MSANTD2: variants seen among roughly 807,000 people sequenced by gnomAD.
MSANTD2 encodes the protein myb/SANT-like DNA-binding domain-containing protein 2.
MSANTD2 carries 19 observed loss-of-function variants against 52.6 expected under a neutral mutation model. The ratio of observed to expected loss-of-function variants is 0.36; its 90% CI spans 0.25 to 0.53. The LOEUF is 0.53. MSANTD2 is among the 20% of genes least tolerant of loss of function. The pLI is 0.91. For synonymous variants in MSANTD2, 291 were observed against 289.7 expected, an observed-to-expected ratio of 1.00 and a Z score of -0.04; for missense variants, 558 against 716.3, an observed-to-expected ratio of 0.78 and a Z score of 2.52.
At position 124,769,260 on chromosome 11, in the gene MSANTD2, G is replaced by T. The variant is rs568955299; in HGVS notation, c.828-1232C>A. Reference sequence around the variant, plus strand: ...TTGACTTTCTTTGCAAGATGGCAGAGAATTAATATTTTGTTATCAGCTGCT... The same window carrying T: ...TTGACTTTCTTTGCAAGATGGCAGATAATTAATATTTTGTTATCAGCTGCT... On this transcript the variant is annotated intron_variant, in intron 3 of 3. Coordinates refer to ENST00000374979, the MANE Select transcript of MSANTD2 (RefSeq NM_001308027.2). 1.2e-4 allele frequency among the ~76,000 whole-genome samples: 19 copies of T among 152,328 alleles called. No individual in the cohort carries two copies. The South Asian group carries it at 3.9e-3, about 32-fold the overall frequency.
At chr11:124,770,473 A>AT in intron 3 of MSANTD2, among the ~76,000 whole-genome samples, 1 of 151,916 alleles carries the variant, frequency 6.6e-6, no homozygotes, top group Non-Finnish European at 1.5e-5. Flanking sequence ...AATTTTAAAA[A>AT]TTTTTGTGGA....
At chr11:124,768,824 C>T (rs191251193) in intron 3 of MSANTD2, among the ~76,000 whole-genome samples, 8 of 152,238 alleles carry the variant, frequency 5.3e-5, no homozygotes, top group African/African-American at 1.9e-4. Context: ...TCAATTTTGA[C>T]TCATATACTT....
intron 1 of MSANTD2, among the ~76,000 whole-genome samples, chr11:124,776,399 G>A (rs1265314539): frequency 6.6e-6 from 1 of 152,268 alleles, no homozygotes; most frequent in East Asian, 1.9e-4. Context: ...CTGGGTTCAA[G>A]TGATTCTCCT....
chr11:124,784,157 G>GA (rs879721999), intron 1 of MSANTD2: 7,820 of 674,540 alleles, frequency 0.012, 17 homozygotes, highest in East Asian at 0.092. Flanking sequence ...ACCTGAAAGG[G>GA]AAAAAAAAAA....
intron 1 of MSANTD2, among the ~76,000 whole-genome samples, chr11:124,798,549 G>A (rs1284574963): frequency 6.6e-6 from 1 of 152,110 alleles, no homozygotes; most frequent in African/African-American, 2.4e-5. Flanking sequence ...ATTTGTAATG[G>A]AGTAATTAAT....
intron 2 of MSANTD2, chr11:124,773,259 G>A (rs1465962781): frequency 5.2e-6 from 2 of 383,028 alleles, no homozygotes; most frequent in Non-Finnish European, 9.3e-6. Context: ...TCAGAAACCA[G>A]CTCTACAAGT....
intron 3 of MSANTD2, among the ~76,000 whole-genome samples, chr11:124,769,071 A>G (rs1484648875): frequency 1.3e-5 from 2 of 152,202 alleles, no homozygotes; most frequent in African/African-American, 4.8e-5. Context: ...TACACAGGCA[A>G]GAAAGGGGGT....
intron 1 of MSANTD2, among the ~76,000 whole-genome samples, chr11:124,782,276 G>A (rs992366704): frequency 7.0e-6 from 1 of 143,010 alleles, no homozygotes; most frequent in Non-Finnish European, 1.5e-5. Context: ...GCAAGACTTT[G>A]TCTCTACTTA....
chr11:124,773,021 AT>A lies in MSANTD2; in HGVS notation c.799del (p.Ile267Ter). 1 of 1,601,880 alleles carries A rather than the reference AT, an allele frequency of 6.2e-7. No homozygotes were observed. ...TGCTTCTTCAGAAGACTCTTGTTTT[AT>A]TTTTAATGTTCTCTTTGTGACAGGT... is the stretch of plus-strand genomic sequence containing the variant. ...EIPVTKRTLK[I>X]KQESSEEAQK... On this transcript the variant is annotated frameshift_variant, in exon 3 of 4. Coordinates refer to ENST00000374979, the MANE Select transcript of MSANTD2 (RefSeq NM_001308027.2). LOFTEE classifies it high-confidence loss of function.
intron 1 of MSANTD2, among the ~76,000 whole-genome samples, chr11:124,782,985 C>T (rs1466802394): frequency 2.0e-5 from 3 of 152,244 alleles, no homozygotes; most frequent in South Asian, 4.1e-4. Context: ...GGGCAGGCCA[C>T]GTGCCAAAGG....
rs76280620 is a variant in MSANTD2 at position 124,784,169 on chromosome 11, A to G, written c.511-9195T>C. ...CTCACCTGAAAGGGAAAAAAAAAAA[A>G]TCAGTTGTTGGCAAAGAACTGACTG... is the stretch of plus-strand genomic sequence containing the variant. On this transcript the variant is annotated intron_variant, in intron 1 of 3. Coordinates refer to ENST00000374979, the MANE Select transcript of MSANTD2 (RefSeq NM_001308027.2). 3 of 985,144 alleles carry G rather than the reference A, an allele frequency of 3.0e-6. No homozygotes were observed. In the African/African-American group the frequency reaches 5.2e-5, roughly 17 times the overall value. The allele number at this position is 985,144 out of a possible 1,614,324, so 61.0% of individuals were successfully genotyped here.
intron 1 of MSANTD2, among the ~76,000 whole-genome samples, chr11:124,776,750 GC>G (rs1370991577): frequency 2.6e-5 from 4 of 152,172 alleles, no homozygotes; most frequent in African/African-American, 9.7e-5. Flanking sequence ...CAAAAACAGA[GC>G]AACAATTAAG....
intron 1 of MSANTD2, chr11:124,790,855 T>C: frequency 4.8e-6 from 1 of 207,340 alleles, no homozygotes; most frequent in Admixed American, 5.6e-5. Context: ...AACTATGTAA[T>C]ATAATTTCAC....
chr11:124,773,863 G>T (rs944722547), intron 2 of MSANTD2, among the ~76,000 whole-genome samples: 1 of 152,098 alleles, frequency 6.6e-6, no homozygotes, highest in Non-Finnish European at 1.5e-5. Context: ...CAAGGGCTGG[G>T]AGCAAGAATA....
Position 124,767,151 on chromosome 11 carries a change from C to T in MSANTD2, c.*25G>A, listed in dbSNP as rs765108315. The T allele has an allele frequency of 1.3e-6, 2 of 1,565,136 alleles. No homozygotes were observed. Among genetic ancestry groups the T allele is most frequent in the Admixed American group, 1.9e-5 (1 of 53,282 alleles). ...TGAGTAGAGAAGAAGGAGCTAAGAGCCCAAATCCTTATGAAGGATGACATT... is the reference window on the plus strand; with the variant it reads ...TGAGTAGAGAAGAAGGAGCTAAGAGTCCAAATCCTTATGAAGGATGACATT... On this transcript the variant is annotated 3_prime_UTR_variant, in exon 4 of 4. Coordinates refer to ENST00000374979, the MANE Select transcript of MSANTD2 (RefSeq NM_001308027.2). The surrounding 1 kb of genome is among the most constrained non-coding windows in gnomAD (Gnocchi z 6.5).
Position 124,766,977 on chromosome 11 carries a change from C to T in MSANTD2, c.*199G>A. The T allele has an allele frequency of 1.8e-6, 1 of 549,162 alleles. No homozygotes were observed. Among genetic ancestry groups the T allele is most frequent in the Middle Eastern group, 5.1e-4 (1 of 1,978 alleles). The allele number at this position is 549,162 out of a possible 1,614,324, so 34.0% of individuals were successfully genotyped here. On this transcript the variant is annotated 3_prime_UTR_variant, in exon 4 of 4. Transcript: ENST00000374979. Reference sequence around the variant, plus strand: ...AAGTTCGCTATATATCTTGCTTGCTCAAAATGAGCATTTTCAGGTGAGGTC... The same window carrying T: ...AAGTTCGCTATATATCTTGCTTGCTTAAAATGAGCATTTTCAGGTGAGGTC...
chr11:124,780,687 A>T (rs556721546), intron 1 of MSANTD2, among the ~76,000 whole-genome samples: 2 of 152,300 alleles, frequency 1.3e-5, no homozygotes, highest in Non-Finnish European at 2.9e-5. Flanking sequence ...ATAAAATATA[A>T]CATACATTAG....
rs1944640773 is a variant in MSANTD2 at position 124,774,011 on chromosome 11, C to G, written c.766+708G>C. On this transcript the variant is annotated intron_variant, in intron 2 of 3. Transcript: ENST00000374979. The surrounding 1 kb of genome is among the most constrained non-coding windows in gnomAD (Gnocchi z 5.1). Reference sequence around the variant, plus strand: ...AATGCGCAAAGAAACAGAACAATCCCACAACTACATATATACTCTTAGTTA... The same window carrying G: ...AATGCGCAAAGAAACAGAACAATCCGACAACTACATATATACTCTTAGTTA... 6.6e-6 allele frequency among the ~76,000 whole-genome samples: 1 copy of G among 152,164 alleles called. No homozygotes were observed. The highest frequency in any genetic ancestry group is 2.4e-5 in the African/African-American group (1 of 41,436).
intron 1 of MSANTD2, among the ~76,000 whole-genome samples, chr11:124,785,141 A>G (rs1945116593): frequency 6.6e-6 from 1 of 152,228 alleles, no homozygotes; most frequent in Non-Finnish European, 1.5e-5. Context: ...AGCTTTATAA[A>G]GACTGCTAAG....
Sources: allele counts gnomAD v4.1 joint callset (sites outside exome capture counted in the v4.1 genomes callset), GRCh38; gene constraint gnomAD v4.1.1; non-coding constraint Gnocchi (gnomAD v3.1); transcripts MANE v1.5; gene names NCBI Gene and HGNC (gene_info 2026-07-23, HGNC 2026-07-21).